The following SAMTOR variants were observed in gnomAD, a reference collection of about 807,000 sequenced individuals.
SAMTOR encodes UPF0532 protein C7orf60.
the SAMTOR span, among the ~76,000 whole-genome samples, chr7:112,912,366 A>T: frequency 6.6e-6 from 1 of 152,036 alleles, no homozygotes; most frequent in Non-Finnish European, 1.5e-5. Flanking sequence ...GCTTTTAATG[A>T]TTCATATTAC....
chr7:112,907,362 A>G, the SAMTOR span, among the ~76,000 whole-genome samples: 2 of 152,214 alleles, frequency 1.3e-5, no homozygotes, highest in Non-Finnish European at 2.9e-5. Context: ...AATGTAATAA[A>G]TGAGAAATCC....
the SAMTOR span, among the ~76,000 whole-genome samples, chr7:112,917,965 T>C: frequency 0.011 from 1,609 of 152,256 alleles, 28 homozygotes; most frequent in African/African-American, 0.036. Flanking sequence ...ACCAAATCTA[T>C]GTCTGATTGG....
the SAMTOR span, among the ~76,000 whole-genome samples, chr7:112,843,512 A>G: frequency 6.6e-6 from 1 of 151,952 alleles, no homozygotes; most frequent in South Asian, 2.1e-4. Flanking sequence ...GAATTGCTAA[A>G]TTTTAATTGG....
the SAMTOR span, among the ~76,000 whole-genome samples, chr7:112,897,819 T>G: frequency 1.3e-5 from 2 of 152,114 alleles, no homozygotes; most frequent in Admixed American, 6.5e-5. Context: ...AATATCAAAT[T>G]GAGTAACTAT....
the SAMTOR span, among the ~76,000 whole-genome samples, chr7:112,902,422 AAAAAAACAAAAAAAAACAAAAAAAAAC>A: frequency 3.0e-4 from 32 of 105,120 alleles, 4 homozygotes; most frequent in East Asian, 2.4e-3. Context: ...GTCTCAAAAA[AAAAAAACAAAAAAAAACAAAAAAAAAC>A]AAAAAAAAAA....
chr7:112,932,214 C>T, the SAMTOR span, among the ~76,000 whole-genome samples: 16 of 152,232 alleles, frequency 1.1e-4, no homozygotes, highest in Non-Finnish European at 1.9e-4. Flanking sequence ...CATGAGCCAC[C>T]GTACCCAGCT....
At chr7:112,861,233 A>G in the SAMTOR span, among the ~76,000 whole-genome samples, 12 of 152,106 alleles carry the variant, frequency 7.9e-5, no homozygotes, top group Middle Eastern at 3.2e-3. Flanking sequence ...TTGACAACTA[A>G]ATTTTGTGGT....
At chr7:112,834,348 CT>C in the SAMTOR span, among the ~76,000 whole-genome samples, 1 of 148,288 alleles carries the variant, frequency 6.7e-6, no homozygotes, top group African/African-American at 2.5e-5. Flanking sequence ...GTTTTTGATG[CT>C]TTTATTATCT....
At chr7:112,869,768 C>T in the SAMTOR span, among the ~76,000 whole-genome samples, 1 of 151,986 alleles carries the variant, frequency 6.6e-6, no homozygotes, top group Admixed American at 6.6e-5. Context: ...ATATGGATGG[C>T]AAGAAAACTC....
At chr7:112,823,155 G>A in the SAMTOR span, among the ~76,000 whole-genome samples, 3 of 151,968 alleles carry the variant, frequency 2.0e-5, no homozygotes, top group East Asian at 3.9e-4. Context: ...TATACAAGCC[G>A]GCCACATAGT....
At chr7:112,903,924 T>C in the SAMTOR span, among the ~76,000 whole-genome samples, 3 of 152,084 alleles carry the variant, frequency 2.0e-5, no homozygotes, top group Admixed American at 6.5e-5. Flanking sequence ...TTAAGAAATG[T>C]TGGTGAAGAA....
the SAMTOR span, among the ~76,000 whole-genome samples, chr7:112,845,042 A>G: frequency 6.6e-6 from 1 of 152,210 alleles, no homozygotes; most frequent in African/African-American, 2.4e-5. Flanking sequence ...GGCCCTATGC[A>G]GAAGATTGAA....
At chr7:112,852,181 T>C in the SAMTOR span, among the ~76,000 whole-genome samples, 2 of 152,178 alleles carry the variant, frequency 1.3e-5, no homozygotes, top group Non-Finnish European at 2.9e-5. Flanking sequence ...CTATCTACAA[T>C]AGCAAAGTCA....
chr7:112,881,157 TG>T, the SAMTOR span, among the ~76,000 whole-genome samples: 1 of 152,210 alleles, frequency 6.6e-6, no homozygotes, highest in Non-Finnish European at 1.5e-5. Context: ...TGTTGTAACC[TG>T]GCTGGGTATG....
the SAMTOR span, among the ~76,000 whole-genome samples, chr7:112,934,829 CTT>C: frequency 3.3e-5 from 5 of 152,146 alleles, no homozygotes; most frequent in African/African-American, 1.2e-4. Flanking sequence ...TCTAGTGTAT[CTT>C]TTCAACTGCA....
At chr7:112,892,781 A>T in the SAMTOR span, among the ~76,000 whole-genome samples, 1 of 152,102 alleles carries the variant, frequency 6.6e-6, no homozygotes, top group East Asian at 1.9e-4. Context: ...CAAAAAAAAA[A>T]AAATAATAAT....
chr7:112,930,858 A>G, the SAMTOR span, among the ~76,000 whole-genome samples: 1 of 152,218 alleles, frequency 6.6e-6, no homozygotes, highest in South Asian at 2.1e-4. Context: ...AAGGTTACAC[A>G]ACAAACCTGG....
the SAMTOR span, chr7:112,915,269 T>G: frequency 6.4e-7 from 1 of 1,559,956 alleles, no homozygotes; most frequent in Non-Finnish European, 8.7e-7. Context: ...CAACAATACA[T>G]TTGAAACCAA....
chr7:112,846,827 G>T, the SAMTOR span, among the ~76,000 whole-genome samples: 1 of 152,200 alleles, frequency 6.6e-6, no homozygotes, highest in East Asian at 1.9e-4. Context: ...TTTGGAATAT[G>T]AGCATTCTAG....
Sources: gnomAD v4.1 joint callset for allele counts (sites outside exome capture counted in the v4.1 genomes callset) on GRCh38, gnomAD v4.1.1 for gene constraint, MANE v1.5 for transcripts, NCBI Gene and HGNC (gene_info 2026-07-23, HGNC 2026-07-21) for gene names.